Variants in IBSP observed in about 807,000 individuals in gnomAD.
IBSP encodes the protein integrin-binding sialoprotein.
A neutral mutation model predicts 25.5 loss-of-function variants in IBSP; 19 were observed. The observed-to-expected ratio is 0.74, with a 90% confidence interval of 0.52 to 1.09. IBSP has a LOEUF of 1.09. Ranked by LOEUF, IBSP falls within the 50% of genes least tolerant of loss-of-function variation. The pLI is 0.00. For missense variants in IBSP, 360 were observed against 382.3 expected, an observed-to-expected ratio of 0.94 and a Z score of 0.49; for synonymous variants, 144 against 137.6, an observed-to-expected ratio of 1.05 and a Z score of -0.33.
At chr4:87,803,444 A>G (rs1195649810) in intron 4 of IBSP, among the ~76,000 whole-genome samples, 1 of 152,192 alleles carries the variant, frequency 6.6e-6, no homozygotes, top group Admixed American at 6.6e-5. Context: ...ACCTGTGAAG[A>G]GTGCCTTTGA....
rs1440456755 is a variant in IBSP at position 87,802,697 on chromosome 4, A to G, written c.149A>G (p.Tyr50Cys). 6.4e-7 allele frequency: 1 copy of G among 1,560,692 alleles called. No individual in the cohort carries two copies. Among genetic ancestry groups the G allele is most frequent in the South Asian group, 1.2e-5 (1 of 80,542 alleles). The change falls in exon 4 of 7, where the codon TAC (tyrosine) becomes TGC (cysteine). Residue 50 changes from tyrosine (Y) to cysteine (C), a missense_variant. Tyr to Cys is a radical substitution (Grantham distance 194). Coordinates refer to ENST00000226284, the MANE Select transcript of IBSP (RefSeq NM_004967.4). ...RPRYYLYKHA[Y>C]FYPHLKRFPV... ...CGATATTATCTTTACAAGCATGCCT[A>G]CTTTTATCCTCATTTAAAACGATTT...
intron 4 of IBSP, among the ~76,000 whole-genome samples, chr4:87,803,343 AG>A (rs1173485334): frequency 6.6e-6 from 1 of 152,190 alleles, no homozygotes; most frequent in Non-Finnish European, 1.5e-5. Flanking sequence ...GCACCAAAAA[AG>A]CTTGTGAGAA....
chr4:87,801,519 T>TATAC (rs1228536488), intron 1 of IBSP, among the ~76,000 whole-genome samples: 1 of 146,640 alleles, frequency 6.8e-6, no homozygotes, highest in East Asian at 2.0e-4. Flanking sequence ...CACACACGCA[T>TATAC]ATACACACAC....
At position 87,811,662 on chromosome 4, in the gene IBSP, G is replaced by C; in HGVS notation, c.706G>C (p.Glu236Gln). ...KTTTSPNGGF[E>Q]PTTPPQVYRT... ...AACAACCTCTCCAAATGGTGGGTTT[G>C]AACCTACAACCCCACCACAAGTCTA... Residue 236 changes from glutamate to glutamine, a missense_variant, in exon 7 of 7, where the codon GAA (glutamate) becomes CAA (glutamine). By Grantham distance (29) the Glu-to-Gln change is conservative. Transcript: ENST00000226284. 1 of 1,613,860 alleles carries C rather than the reference G, an allele frequency of 6.2e-7. No individual in the cohort carries two copies. The highest frequency in any genetic ancestry group is 8.5e-7 in the Non-Finnish European group (1 of 1,179,974).
Position 87,811,967 on chromosome 4 carries a change from G to A in IBSP, c.*57G>A. 1 of 1,368,964 alleles carries A rather than the reference G, an allele frequency of 7.3e-7. No individual in the cohort carries two copies. The highest frequency in any genetic ancestry group is 1.4e-5 in the South Asian group (1 of 69,400). 84.8% of individuals were successfully genotyped at this position (1,368,964 alleles called of 1,614,324 possible). A position where few individuals can be genotyped will look rare whatever the true frequency, so the allele number is the denominator to read the frequency against. ...GGCTTTGCATCCGGCTACCATTTTCGAAGTTCAACTCAGGAAGGTGCAATA... is the reference window on the plus strand; with the variant it reads ...GGCTTTGCATCCGGCTACCATTTTCAAAGTTCAACTCAGGAAGGTGCAATA... On this transcript the variant is annotated 3_prime_UTR_variant, in exon 7 of 7. Transcript: ENST00000226284.
At chr4:87,807,317 A>G (rs1183933726) in intron 5 of IBSP, among the ~76,000 whole-genome samples, 2 of 152,188 alleles carry the variant, frequency 1.3e-5, no homozygotes, top group Non-Finnish European at 2.9e-5. Flanking sequence ...TGGATCATGT[A>G]TTAACAGCTG....
At chr4:87,809,580 C>CT (rs1247634172) in intron 5 of IBSP, among the ~76,000 whole-genome samples, 1 of 152,170 alleles carries the variant, frequency 6.6e-6, no homozygotes, top group Non-Finnish European at 1.5e-5. Context: ...TTGGGGTATA[C>CT]TCTGGTGGTA....
Position 87,806,124 on chromosome 4 carries a change from C to A in IBSP, c.186C>A (p.Gly62=), listed in dbSNP as rs182326018. ...YPHLKRFPVQ[G]SSDSSEENGD... ...CATACATGTGTATATATTTTTAGGG[C>A]AGTAGTGACTCATCCGAAGAAAATG... The change falls in exon 5 of 7, where the codon GGC becomes GGA. Residue 62 remains glycine (G), a splice_region_variant and synonymous_variant. Coordinates refer to ENST00000226284, the MANE Select transcript of IBSP (RefSeq NM_004967.4). 5.0e-5 allele frequency: 80 copies of A among 1,608,986 alleles called. No homozygotes were observed. In the East Asian group the frequency reaches 1.2e-3, roughly 23 times the overall value.
Position 87,811,719 on chromosome 4 carries a change from A to G in IBSP, c.763A>G (p.Thr255Ala), listed in dbSNP as rs952329700. 2 of 1,613,884 alleles carry G rather than the reference A, an allele frequency of 1.2e-6. No homozygotes were observed. Among genetic ancestry groups the G allele is most frequent in the Non-Finnish European group, 1.7e-6 (2 of 1,179,990 alleles). Residue 255 changes from threonine (T) to alanine (A), a missense_variant, in exon 7 of 7, where the codon ACC (threonine) becomes GCC (alanine). Physicochemically the swap from Thr to Ala is moderately conservative, Grantham distance 58. Transcript: ENST00000226284. ...CACTTCCCCACCTTTTGGGAAAACC[A>G]CCACCGTTGAATACGAGGGGGAGTA... ...RTTSPPFGKT[T>A]TVEYEGEYEY...
At chr4:87,801,440 CCTCTCTGT>C (rs930169704) in intron 1 of IBSP, among the ~76,000 whole-genome samples, 2 of 150,248 alleles carry the variant, frequency 1.3e-5, no homozygotes, top group Non-Finnish European at 3.0e-5. Context: ...TATTATGGAT[CCTCTCTGT>C]CTCTCTGTCT....
intron 5 of IBSP, among the ~76,000 whole-genome samples, chr4:87,810,065 A>G (rs1722149241): frequency 6.6e-6 from 1 of 152,158 alleles, no homozygotes; most frequent in Non-Finnish European, 1.5e-5. Flanking sequence ...TTCTACTAAA[A>G]ATACAAAAAT....
intron 6 of IBSP, among the ~76,000 whole-genome samples, chr4:87,811,012 A>G (rs1332762028): frequency 6.6e-6 from 1 of 152,196 alleles, no homozygotes; most frequent in Admixed American, 6.5e-5. Context: ...ACATTATAAC[A>G]GAAGACTAAG....
chr4:87,812,048 A>G lies in IBSP; in HGVS notation c.*138A>G. The G allele has an allele frequency of 1.6e-6, 1 of 624,426 alleles. No homozygotes were observed. The highest frequency in any genetic ancestry group is 2.6e-6 in the Non-Finnish European group (1 of 384,188). The allele number at this position is 624,426 out of a possible 1,614,324, so 38.7% of individuals were successfully genotyped here. ...GTACTACCGTTCCAGATTTTCTGTA[A>G]TTGCTTCTGCAAAGTAATAGGCTTC... is the stretch of plus-strand genomic sequence containing the variant. On this transcript the variant is annotated 3_prime_UTR_variant, in exon 7 of 7. Transcript: ENST00000226284.
chr4:87,811,299 G>T (rs1722166409), intron 6 of IBSP, 63 bp from the exon 7 acceptor site: 2 of 1,528,846 alleles, frequency 1.3e-6, no homozygotes, highest in Non-Finnish European at 1.8e-6. Context: ...TGCATGAAAT[G>T]ACGGCCTTAA....
At chr4:87,809,051 G>A (rs1296866646) in intron 5 of IBSP, among the ~76,000 whole-genome samples, 1 of 152,160 alleles carries the variant, frequency 6.6e-6, no homozygotes, top group Non-Finnish European at 1.5e-5. Context: ...GACGTACTCA[G>A]GTAAACTCTC....
intron 1 of IBSP, among the ~76,000 whole-genome samples, chr4:87,802,135 C>G (rs770652811): frequency 1.3e-5 from 2 of 151,994 alleles, no homozygotes; most frequent in African/African-American, 4.8e-5. Context: ...GTATGGAACT[C>G]AAGATTATTT....
chr4:87,811,614 C>G lies in IBSP; in HGVS notation c.658C>G (p.Gln220Glu), dbSNP rs371722068. 6.2e-7 allele frequency: 1 copy of G among 1,613,724 alleles called. No homozygotes were observed. The highest frequency in any genetic ancestry group is 1.1e-5 in the South Asian group (1 of 91,028). ...NAEDTTETGR[Q>E]GKGTSKTTTS... ...AGAAGACACCACAGAGACCGGAAGG[C>G]AGGGCAAGGGCACCTCGAAGACAAC... Residue 220 changes from glutamine (Q) to glutamate (E), a missense_variant, in exon 7 of 7, where the codon CAG (glutamine) becomes GAG (glutamate). By Grantham distance (29) the Gln-to-Glu change is conservative (BLOSUM62 2). Transcript: ENST00000226284.
chr4:87,803,079 C>T (rs898811706), intron 4 of IBSP, among the ~76,000 whole-genome samples: 3 of 152,186 alleles, frequency 2.0e-5, no homozygotes, highest in Non-Finnish European at 4.4e-5. Context: ...AGGTCACTGG[C>T]TGTCCTATTA....
At chr4:87,810,476 G>A (rs548971288) in intron 5 of IBSP, 130 bp from the exon 6 acceptor site, 286 of 683,382 alleles carry the variant, frequency 4.2e-4, no homozygotes, top group Non-Finnish European at 7.0e-4. Context: ...CAGGCTTTGA[G>A]TGATCAGCCA....
Sources: gnomAD v4.1 joint callset for allele counts (sites outside exome capture counted in the v4.1 genomes callset) on GRCh38, gnomAD v4.1.1 for gene constraint, MANE v1.5 for transcripts, NCBI Gene and HGNC (gene_info 2026-07-23, HGNC 2026-07-21) for gene names.